Variants in ABTB3 observed in about 807,000 individuals in gnomAD.
ABTB3 encodes ankyrin repeat and BTB domain containing 3, also known as ankyrin repeat- and BTB/POZ domain-containing protein 3.
At chr12:107,480,295 T>C in the ABTB3 span, among the ~76,000 whole-genome samples, 1 of 152,148 alleles carries the variant, frequency 6.6e-6, no homozygotes, top group African/African-American at 2.4e-5. Context: ...AAAAAAATGT[T>C]ATCCTATAGG....
At chr12:107,435,220 A>G in the ABTB3 span, among the ~76,000 whole-genome samples, 1 of 152,212 alleles carries the variant, frequency 6.6e-6, no homozygotes. Flanking sequence ...AAATAGAATC[A>G]GTGCGTACCC....
At chr12:107,650,928 A>G in the ABTB3 span, 1 of 152,236 alleles carries the variant, frequency 6.6e-6, no homozygotes, top group African/African-American at 2.4e-5. Flanking sequence ...AACTAAAAAT[A>G]AGGAATGTAC....
chr12:107,495,704 A>G, the ABTB3 span, among the ~76,000 whole-genome samples: 1 of 152,182 alleles, frequency 6.6e-6, no homozygotes, highest in Non-Finnish European at 1.5e-5. Flanking sequence ...CTCTTGGGGT[A>G]TGGTGAGGTC....
chr12:107,434,580 G>A, the ABTB3 span, among the ~76,000 whole-genome samples: 5 of 152,140 alleles, frequency 3.3e-5, no homozygotes, highest in African/African-American at 1.2e-4. Flanking sequence ...ATAAAGGCTG[G>A]GCTGAGCGCA....
At chr12:107,412,585 C>T in the ABTB3 span, among the ~76,000 whole-genome samples, 32 of 152,196 alleles carry the variant, frequency 2.1e-4, no homozygotes, top group Non-Finnish European at 4.1e-4. Context: ...GAGATAAGGG[C>T]TGTGCCAGGT....
At chr12:107,608,004 C>T in the ABTB3 span, among the ~76,000 whole-genome samples, 1 of 152,164 alleles carries the variant, frequency 6.6e-6, no homozygotes, top group African/African-American at 2.4e-5. Flanking sequence ...GAGGCAGGAA[C>T]AGAACCAGGA....
chr12:107,569,196 G>C, the ABTB3 span, among the ~76,000 whole-genome samples: 2 of 152,208 alleles, frequency 1.3e-5, no homozygotes, highest in Admixed American at 1.3e-4. Context: ...TGGCATGGGG[G>C]AAGCTCTGGA....
At chr12:107,488,764 C>A in the ABTB3 span, among the ~76,000 whole-genome samples, 1 of 151,886 alleles carries the variant, frequency 6.6e-6, no homozygotes, top group Non-Finnish European at 1.5e-5. Context: ...GTGCAACCAT[C>A]ACCACCATCT....
chr12:107,520,379 C>A, the ABTB3 span: 2 of 1,480,376 alleles, frequency 1.4e-6, no homozygotes, highest in Admixed American at 4.1e-5. Context: ...TTTGCAGTAC[C>A]AGCTCTGGCG....
chr12:107,614,300 A>G, the ABTB3 span, among the ~76,000 whole-genome samples: 2 of 152,154 alleles, frequency 1.3e-5, no homozygotes, highest in Non-Finnish European at 2.9e-5. Flanking sequence ...TTCATTCATG[A>G]TGCGTCCTGG....
the ABTB3 span, among the ~76,000 whole-genome samples, chr12:107,639,992 C>A: frequency 2.0e-5 from 3 of 152,158 alleles, no homozygotes; most frequent in African/African-American, 7.2e-5. Flanking sequence ...GGGCGCTGAG[C>A]CCTGAGAGAG....
the ABTB3 span, among the ~76,000 whole-genome samples, chr12:107,574,294 T>TC: frequency 6.6e-6 from 1 of 152,194 alleles, no homozygotes; most frequent in African/African-American, 2.4e-5. Context: ...CCCCTTTTCC[T>TC]CCCCAACTTA....
the ABTB3 span, among the ~76,000 whole-genome samples, chr12:107,333,477 C>A: frequency 0.017 from 2,655 of 152,206 alleles, 66 homozygotes; most frequent in African/African-American, 0.056. Flanking sequence ...GGACATGAGG[C>A]CCACTCTAGA....
At chr12:107,546,110 T>C in the ABTB3 span, among the ~76,000 whole-genome samples, 5 of 152,242 alleles carry the variant, frequency 3.3e-5, no homozygotes, top group Non-Finnish European at 5.9e-5. Flanking sequence ...TATGTGTGTA[T>C]TTCTGTGTTT....
chr12:107,586,563 AT>A, the ABTB3 span, among the ~76,000 whole-genome samples: 1 of 152,078 alleles, frequency 6.6e-6, no homozygotes, highest in Non-Finnish European at 1.5e-5. Context: ...GTGGTGACCC[AT>A]TTGGAGCCGC....
the ABTB3 span, among the ~76,000 whole-genome samples, chr12:107,347,823 T>C: frequency 1.2e-3 from 183 of 152,282 alleles, no homozygotes; most frequent in Non-Finnish European, 2.1e-3. Flanking sequence ...AAGGGATCAA[T>C]TGTTTACTTC....
chr12:107,440,285 T>C, the ABTB3 span, among the ~76,000 whole-genome samples: 1 of 152,194 alleles, frequency 6.6e-6, no homozygotes, highest in Admixed American at 6.5e-5. Flanking sequence ...CTTGGTGTCC[T>C]CCACACAGCC....
chr12:107,411,960 A>G, the ABTB3 span, among the ~76,000 whole-genome samples: 1 of 152,216 alleles, frequency 6.6e-6, no homozygotes, highest in African/African-American at 2.4e-5. Context: ...GCCATAGAAC[A>G]GTGACTCATT....
chr12:107,384,159 C>G, the ABTB3 span, among the ~76,000 whole-genome samples: 1 of 152,200 alleles, frequency 6.6e-6, no homozygotes, highest in Admixed American at 6.5e-5. Context: ...AGCACCAAGT[C>G]ATGTTCCAAA....
Sources: gnomAD v4.1 joint callset for allele counts (sites outside exome capture counted in the v4.1 genomes callset) on GRCh38, gnomAD v4.1.1 for gene constraint, MANE v1.5 for transcripts, NCBI Gene and HGNC (gene_info 2026-07-23, HGNC 2026-07-21) for gene names.